Variants in CCDC158 observed in about 807,000 individuals in gnomAD.
CCDC158 encodes coiled-coil domain-containing protein 158.
A neutral mutation model predicts 138.6 loss-of-function variants in CCDC158; 116 were observed. That is an observed-to-expected ratio of 0.84 (90% CI 0.72 to 0.98). The LOEUF is 0.98. Among genes scored for constraint, CCDC158 ranks in the 50% least tolerant of loss-of-function variants. CCDC158 has a pLI of 0.00. For synonymous variants in CCDC158, 436 were observed against 442.4 expected (o/e 0.99, Z 0.18); for missense variants, 1,265 against 1,306.1 (o/e 0.97, Z 0.48).
chr4:76,382,850 T>G, intron 7 of CCDC158, 130 bp from the exon 8 acceptor site: 2 of 595,596 alleles, frequency 3.4e-6, no homozygotes, highest in Non-Finnish European at 5.8e-6. Flanking sequence ...TGCTACTCTT[T>G]TAATAACAAG....
chr4:76,315,218 G>T (rs944668534), intron 24 of CCDC158, among the ~76,000 whole-genome samples: 1 of 152,066 alleles, frequency 6.6e-6, no homozygotes, highest in Non-Finnish European at 1.5e-5. Flanking sequence ...AACTCCACTG[G>T]CCCAAGAACC....
At chr4:76,386,509 A>G (rs1232870453) in intron 4 of CCDC158, among the ~76,000 whole-genome samples, 1 of 151,744 alleles carries the variant, frequency 6.6e-6, no homozygotes, top group Non-Finnish European at 1.5e-5. Flanking sequence ...TTGAGTTCCT[A>G]TGCTCAGGCC....
chr4:76,338,399 C>G (rs1222397805), intron 18 of CCDC158, among the ~76,000 whole-genome samples: 1 of 152,156 alleles, frequency 6.6e-6, no homozygotes, highest in African/African-American at 2.4e-5. Flanking sequence ...GTAGTCCCAG[C>G]TACTCGGGGG....
At position 76,384,625 on chromosome 4, in the gene CCDC158, T is replaced by C; in HGVS notation, c.329A>G (p.Gln110Arg). 4.3e-6 allele frequency: 7 copies of C among 1,613,720 alleles called. No individual in the cohort carries two copies. The highest frequency in any genetic ancestry group is 5.9e-6 in the Non-Finnish European group (7 of 1,179,854). Residue 110 changes from glutamine (Q) to arginine (R), a missense_variant, in exon 5 of 25, where the codon CAG (glutamine) becomes CGG (arginine). By Grantham distance (43) the Gln-to-Arg change is conservative. Coordinates refer to ENST00000682701, the MANE Select transcript of CCDC158 (RefSeq NM_001394954.1). ...LHEKQKFYLR[Q>R]SVIDLQTKLQ... Reference sequence around the variant, plus strand: ...TTTTGTTTGCAAATCAATGACTGACTGCCTCAAATAAAACTTTTGTTTCTC... The same window carrying C: ...TTTTGTTTGCAAATCAATGACTGACCGCCTCAAATAAAACTTTTGTTTCTC...
At chr4:76,344,110 G>A (rs1041226851) in intron 18 of CCDC158, among the ~76,000 whole-genome samples, 2 of 152,040 alleles carry the variant, frequency 1.3e-5, no homozygotes, top group Non-Finnish European at 2.9e-5. Flanking sequence ...AAACCCTATC[G>A]CCTCAGCCCA....
At chr4:76,379,144 AAT>A (rs1725986269) in intron 9 of CCDC158, 144 bp downstream of exon 9, 1 of 397,648 alleles carries the variant, frequency 2.5e-6, no homozygotes, top group South Asian at 8.8e-5. Flanking sequence ...TTTAAAATAT[AAT>A]TTAGCATGCT....
In CCDC158 at chr4:76,334,137, C is replaced by A; in HGVS notation, c.2695G>T (p.Asp899Tyr). Residue 899 changes from aspartate to tyrosine, a missense_variant, in exon 19 of 25, where the codon GAT becomes TAT. Asp to Tyr is a radical substitution (Grantham distance 160). Coordinates refer to ENST00000682701, the MANE Select transcript of CCDC158 (RefSeq NM_001394954.1). Reference sequence around the variant, plus strand: ...AGCTGTTTCAGGTCCCTTGTTGGATCTTCCTTCAGTGTGTTAGCTTTTGTA... The same window carrying A: ...AGCTGTTTCAGGTCCCTTGTTGGATATTCCTTCAGTGTGTTAGCTTTTGTA... ...HSTKANTLKE[D>Y]PTRDLKQLLQ... 6.2e-7 allele frequency: 1 copy of A among 1,613,016 alleles called. No homozygotes were observed. Among genetic ancestry groups the A allele is most frequent in the Non-Finnish European group, 8.5e-7 (1 of 1,179,338 alleles).
intron 21 of CCDC158, among the ~76,000 whole-genome samples, chr4:76,329,265 G>T (rs186339854): frequency 1.0e-3 from 159 of 152,252 alleles, no homozygotes; most frequent in Non-Finnish European, 2.0e-3. Flanking sequence ...GATTCTAAGA[G>T]ATGCAATCTT....
intron 24 of CCDC158, among the ~76,000 whole-genome samples, chr4:76,316,407 C>T (rs554938562): frequency 1.3e-5 from 2 of 151,934 alleles, no homozygotes; most frequent in East Asian, 3.9e-4. Context: ...CAGACAAAGA[C>T]AAAGAAAAAA....
At chr4:76,413,914 TTAGAA>T (rs1232700841) in intron 1 of CCDC158, among the ~76,000 whole-genome samples, 2 of 152,226 alleles carry the variant, frequency 1.3e-5, no homozygotes, top group Non-Finnish European at 2.9e-5. Flanking sequence ...TCTAGATAAA[TTAGAA>T]TAAAGTTTTT....
intron 1 of CCDC158, among the ~76,000 whole-genome samples, 188 bp downstream of exon 1, chr4:76,420,777 T>C (rs1022405783): frequency 3.3e-5 from 5 of 152,122 alleles, no homozygotes; most frequent in African/African-American, 1.2e-4. Context: ...TCCCCAGGGG[T>C]CTTGCAATCC....
At chr4:76,355,798 CG>C (rs1723494809) in intron 14 of CCDC158, among the ~76,000 whole-genome samples, 3 of 145,496 alleles carry the variant, frequency 2.1e-5, no homozygotes, top group African/African-American at 5.1e-5. Context: ...AATATATGTA[CG>C]TGTGTGTGTG....
Position 76,367,609 on chromosome 4 carries a change from G to C in CCDC158, c.1515C>G (p.Leu505=). ...ERTISDLTTS[L]QEKERAIEAT... ...CCTCGATGGCTCTCTCTTTTTCCTG[G>C]AGAGAAGTTGTCAGGTCCGATATTG... Residue 505 remains leucine, a synonymous_variant, in exon 12 of 25, where the codon CTC becomes CTG. Coordinates refer to ENST00000682701, the MANE Select transcript of CCDC158 (RefSeq NM_001394954.1). 2 of 1,614,180 alleles carry C rather than the reference G, an allele frequency of 1.2e-6. No homozygotes were observed. The highest frequency in any genetic ancestry group is 1.7e-6 in the Non-Finnish European group (2 of 1,180,036).
At chr4:76,361,576 A>G (rs1724150010) in intron 13 of CCDC158, among the ~76,000 whole-genome samples, 1 of 152,180 alleles carries the variant, frequency 6.6e-6, no homozygotes, top group Non-Finnish European at 1.5e-5. Flanking sequence ...ATAAATAAAT[A>G]AAATAAATTA....
intron 13 of CCDC158, among the ~76,000 whole-genome samples, chr4:76,361,709 G>A (rs77871421): frequency 0.029 from 4,465 of 152,252 alleles, 218 homozygotes; most frequent in African/African-American, 0.1. Flanking sequence ...AAATTCACAT[G>A]TCTATTTTCA....
chr4:76,350,299 C>T (rs1341978304), intron 18 of CCDC158, among the ~76,000 whole-genome samples: 2 of 152,256 alleles, frequency 1.3e-5, no homozygotes, highest in Non-Finnish European at 2.9e-5. Flanking sequence ...TTAAACAGTA[C>T]ATAATTTTCA....
At position 76,345,353 on chromosome 4, in the gene CCDC158, G is replaced by GTA. The variant is rs1722445442; in HGVS notation, c.2664+5642_2664+5643insTA. 7.2e-6 allele frequency: 8 copies of GTA among 1,113,346 alleles called. No individual in the cohort carries two copies. In the Admixed American group the frequency reaches 1.0e-4, roughly 14 times the overall value. The allele number at this position is 1,113,346 out of a possible 1,614,324, so 69.0% of individuals were successfully genotyped here. A position where few individuals can be genotyped will look rare whatever the true frequency, so the allele number is the denominator to read the frequency against. On this transcript the variant is annotated intron_variant, in intron 18 of 24. Transcript: ENST00000682701. ...ATTATGAGAACTCAAACAAAGCTCT[G>GTA]GATAAGGCCCGGTTAAAGAGCAAAG... is the stretch of plus-strand genomic sequence containing the variant.
chr4:76,355,135 G>A (rs989826230), intron 15 of CCDC158, among the ~76,000 whole-genome samples, 189 bp downstream of exon 15: 6 of 151,986 alleles, frequency 3.9e-5, no homozygotes, highest in Non-Finnish European at 7.4e-5. Flanking sequence ...CATTTCCCAC[G>A]TTTAAAATAG....
rs930062105 is a variant in CCDC158, at chr4:76,323,371, A to C, written c.3208T>G (p.Cys1070Gly). 9 of 1,612,142 alleles carry C rather than the reference A, an allele frequency of 5.6e-6. No individual in the cohort carries two copies. Among genetic ancestry groups the C allele is most frequent in the Non-Finnish European group, 7.6e-6 (9 of 1,179,174 alleles). ...SPPIETTGKT[C>G]RKLQNRLESL... ...TCTAGTCTGTTCTGAAGCTTCCTGC[A>C]TGTTTTTCCTGTTGTTTCTATTGGC... Residue 1070 changes from cysteine (C) to glycine (G), a missense_variant, in exon 24 of 25, where the codon TGC (cysteine) becomes GGC (glycine). Coordinates refer to ENST00000682701, the MANE Select transcript of CCDC158 (RefSeq NM_001394954.1).
Sources: allele counts gnomAD v4.1 joint callset (sites outside exome capture counted in the v4.1 genomes callset), GRCh38; gene constraint gnomAD v4.1.1; transcripts MANE v1.5; gene names NCBI Gene and HGNC (gene_info 2026-07-23, HGNC 2026-07-21).